The following RBL2 variants were observed in gnomAD, a reference collection of about 807,000 sequenced individuals.
The protein encoded by RBL2 is retinoblastoma-like protein 2.
Under a neutral mutation model 126.0 loss-of-function variants are expected in RBL2, and 56 were observed. The observed-to-expected ratio is 0.44, with a 90% CI of 0.36 to 0.56. The LOEUF (loss-of-function observed/expected upper bound fraction) is 0.56. RBL2 is among the 20% of genes least tolerant of loss of function. The probability of loss-of-function intolerance (pLI) is 0.00; values close to 1 mark genes in which losing one functional copy is unlikely to be tolerated. For synonymous variants in RBL2, 454 were observed against 478.5 expected (o/e 0.95, Z 0.67); for missense variants, 1,229 against 1,398.2 (o/e 0.88, Z 1.93).
At chr16:53,472,678 G>A (rs1319382269) in intron 17 of RBL2, among the ~76,000 whole-genome samples, 1 of 152,128 alleles carries the variant, frequency 6.6e-6, no homozygotes, top group South Asian at 2.1e-4. Flanking sequence ...TCTCCCATTC[G>A]GTGTATCTTT....
rs1022879960 is a variant in RBL2, at chr16:53,434,510, G to A, written c.-47G>A. ...CGCTTCGCCGTTTGAATGGCTGCGG[G>A]CCCGGGCCCTCACCTCACCTGAGGT... On this transcript the variant is annotated 5_prime_UTR_variant, in exon 1 of 22. Coordinates refer to ENST00000262133, the MANE Select transcript of RBL2 (RefSeq NM_005611.4). 7.3e-7 allele frequency: 1 copy of A among 1,363,794 alleles called. No individual in the cohort carries two copies. Among genetic ancestry groups the A allele is most frequent in the South Asian group, 1.8e-5 (1 of 56,270 alleles). 84.5% of individuals were successfully genotyped at this position (1,363,794 alleles called of 1,614,324 possible). A position where few individuals can be genotyped will look rare whatever the true frequency, so the allele number is the denominator to read the frequency against.
chr16:53,481,569 T>G, intron 20 of RBL2, 102 bp from the exon 21 acceptor site: 4 of 1,095,538 alleles, frequency 3.7e-6, no homozygotes, highest in Non-Finnish European at 5.0e-6. Flanking sequence ...CTGTCATTCA[T>G]AAAACTACTG....
intron 8 of RBL2, 103 bp downstream of exon 8, chr16:53,454,945 A>G (rs1455074938): frequency 1.0e-6 from 1 of 966,178 alleles, no homozygotes; most frequent in African/African-American, 1.7e-5. Context: ...TGCCTACAGT[A>G]TGAAGGAGAA....
Position 53,470,597 on chromosome 16 carries a change from C to A in RBL2, c.2460C>A (p.Gly820=), listed in dbSNP as rs1249585408. The change falls in exon 16 of 22, where the codon GGC becomes GGA. Residue 820 remains glycine, a synonymous_variant. Coordinates refer to ENST00000262133, the MANE Select transcript of RBL2 (RefSeq NM_005611.4). ...CAGGTGGCCAACAGCAGAAGCAAGGCCAGTCTGTAACCAGCAGTAGTAATA... is the reference window on the plus strand; with the variant it reads ...CAGGTGGCCAACAGCAGAAGCAAGGACAGTCTGTAACCAGCAGTAGTAATA... ...ISPGGQQQKQ[G]QSVTSSSNRP... 5.0e-6 allele frequency: 8 copies of A among 1,614,170 alleles called. No homozygotes were observed. Among genetic ancestry groups the A allele is most frequent in the African/African-American group, 1.3e-5 (1 of 75,050 alleles).
Position 53,464,318 on chromosome 16 carries a change from A to C in RBL2, c.1653A>C (p.Pro551=). 6.3e-7 allele frequency: 1 copy of C among 1,586,588 alleles called. No individual in the cohort carries two copies. The highest frequency in any genetic ancestry group is 1.1e-5 in the South Asian group (1 of 90,236). ...TFSYKPPGNF[P]FITEIFDVPL... ...CTTATAAGCCTCCTGGGAATTTTCC[A>C]TTTATTACTGAAATATTTGATGTGC... Residue 551 remains proline (P), a synonymous_variant, in exon 12 of 22, where the codon CCA becomes CCC. Coordinates refer to ENST00000262133, the MANE Select transcript of RBL2 (RefSeq NM_005611.4).
At chr16:53,440,936 T>G (rs896948480) in intron 2 of RBL2, among the ~76,000 whole-genome samples, 1 of 151,306 alleles carries the variant, frequency 6.6e-6, no homozygotes, top group African/African-American at 2.4e-5. Context: ...GAACTCTATT[T>G]TTTTTATTTT....
At chr16:53,449,638 G>A (rs1028338639) in intron 4 of RBL2, 1 of 149,342 alleles carries the variant, frequency 6.7e-6, no homozygotes, top group Non-Finnish European at 1.5e-5. Flanking sequence ...CCACCACTGT[G>A]ATCTTTTATA....
At chr16:53,463,861 C>T (rs1400750627) in intron 11 of RBL2, among the ~76,000 whole-genome samples, 9 of 152,116 alleles carry the variant, frequency 5.9e-5, no homozygotes, top group Non-Finnish European at 1.5e-5. Flanking sequence ...GCCACTGCGC[C>T]CGGTCCCCCT....
intron 14 of RBL2, among the ~76,000 whole-genome samples, chr16:53,467,595 C>A (rs2150811130): frequency 6.6e-6 from 1 of 152,322 alleles, no homozygotes; most frequent in South Asian, 2.1e-4. Flanking sequence ...GCCATATTGG[C>A]CAGGCTGGCC....
chr16:53,455,827 C>T (rs2058161896), intron 8 of RBL2, among the ~76,000 whole-genome samples: 1 of 152,050 alleles, frequency 6.6e-6, no homozygotes, highest in Non-Finnish European at 1.5e-5. Flanking sequence ...TTTGGAGGAA[C>T]AGTGAGAATG....
intron 21 of RBL2, among the ~76,000 whole-genome samples, chr16:53,485,862 CAAAA>C (rs1961149063): frequency 1.3e-5 from 2 of 149,628 alleles, no homozygotes; most frequent in South Asian, 4.2e-4. Flanking sequence ...TAAAAAAAAA[CAAAA>C]ACAAAAACAA....
chr16:53,479,217 C>G lies in RBL2; in HGVS notation c.2767C>G (p.Arg923Gly), dbSNP rs373573938. 3.7e-6 allele frequency: 6 copies of G among 1,612,812 alleles called. No homozygotes were observed. Among genetic ancestry groups the G allele is most frequent in the African/African-American group, 1.3e-5 (1 of 74,806 alleles). Residue 923 changes from arginine to glycine, a missense_variant, in exon 18 of 22, where the codon CGG (arginine) becomes GGG (glycine). By Grantham distance (125) the Arg-to-Gly change is moderately radical. Transcript: ENST00000262133. Reference sequence around the variant, plus strand: ...TTGTTATAGGACTCAGCCGCAGGCCCGGAGCCAGGTAACTACATTTTCTCT... The same window carrying G: ...TTGTTATAGGACTCAGCCGCAGGCCGGGAGCCAGGTAACTACATTTTCTCT... ...MRCYRTQPQA[R>G]SQVYRSVLIK...
intron 17 of RBL2, among the ~76,000 whole-genome samples, chr16:53,478,550 T>TC (rs1960816491): frequency 6.7e-6 from 1 of 149,986 alleles, no homozygotes; most frequent in South Asian, 2.1e-4. Context: ...TAATCCTTTT[T>TC]TTTTTTTTTT....
At chr16:53,450,987 G>T (rs1390896817) in intron 4 of RBL2, among the ~76,000 whole-genome samples, 1 of 151,284 alleles carries the variant, frequency 6.6e-6, no homozygotes, top group Non-Finnish European at 1.5e-5. Context: ...TTATTTTTTC[G>T]GCTGTCTCCT....
intron 3 of RBL2, among the ~76,000 whole-genome samples, chr16:53,443,746 C>T (rs1890072542): frequency 6.6e-6 from 1 of 152,074 alleles, no homozygotes; most frequent in Admixed American, 6.5e-5. Context: ...ATAATGTTTG[C>T]TTCTCTTTAA....
chr16:53,434,927 C>G, intron 1 of RBL2, 131 bp downstream of exon 1: 2 of 1,329,928 alleles, frequency 1.5e-6, no homozygotes, highest in Non-Finnish European at 2.0e-6. Flanking sequence ...TGGGGACTTC[C>G]TCTGCGCTAT....
rs200965202 is a variant in RBL2, at chr16:53,453,444, C to T, written c.767-8C>T. ...GATATCTCTGTTTTGTGATTCTATA[C>T]ACCATAGGCTTATCTGAAGATTTTC... On this transcript the variant is annotated splice_polypyrimidine_tract_variant and splice_region_variant and intron_variant, in intron 5 of 21. Transcript: ENST00000262133. 1.7e-5 allele frequency: 27 copies of T among 1,604,608 alleles called. No homozygotes were observed. The African/African-American group carries it at 2.5e-4, about 15-fold the overall frequency.
At chr16:53,452,673 AT>A (rs533077159) in intron 5 of RBL2, among the ~76,000 whole-genome samples, 21 of 148,784 alleles carry the variant, frequency 1.4e-4, no homozygotes, top group African/African-American at 2.0e-4. Flanking sequence ...ATTAAAAAGA[AT>A]TTTTTTTTTT....
At chr16:53,465,061 G>A (rs150155097) in intron 12 of RBL2, among the ~76,000 whole-genome samples, 1 of 152,188 alleles carries the variant, frequency 6.6e-6, no homozygotes, top group African/African-American at 2.4e-5. Context: ...CCAGAGTGCT[G>A]GGATTACAGG....
Sources: gnomAD v4.1 joint callset for allele counts (sites outside exome capture counted in the v4.1 genomes callset) on GRCh38, gnomAD v4.1.1 for gene constraint, MANE v1.5 for transcripts, NCBI Gene and HGNC (gene_info 2026-07-23, HGNC 2026-07-21) for gene names.